The following CSMD1 variants were observed in gnomAD, a reference collection of about 807,000 sequenced individuals.
CSMD1 encodes CUB and Sushi multiple domains 1.
CSMD1 carries 213 observed loss-of-function variants against 417.5 expected under a neutral mutation model. That is an observed-to-expected ratio of 0.51 (90% CI 0.46 to 0.57). The LOEUF (loss-of-function observed/expected upper bound fraction) is 0.57, where lower values mean the gene tolerates loss of function less well. Ranked by LOEUF, CSMD1 falls within the 20% of genes least tolerant of loss-of-function variation. The pLI is 0.00. For synonymous variants in CSMD1, 2,862 were observed against 1,736.8 expected (o/e 1.65, Z -16.11); for missense variants, 6,923 against 4,529.7 (o/e 1.53, Z -15.17).
intron 3 of CSMD1, among the ~76,000 whole-genome samples, chr8:4,116,303 A>G (rs1051307693): frequency 9.9e-5 from 15 of 152,100 alleles, no homozygotes; most frequent in Admixed American, 9.8e-4. Context: ...ATAAAATAGA[A>G]TCTTTAGGAC....
chr8:4,820,513 C>T (rs972533917), intron 1 of CSMD1, among the ~76,000 whole-genome samples: 1 of 152,064 alleles, frequency 6.6e-6, no homozygotes, highest in African/African-American at 2.4e-5. Flanking sequence ...TGGCCAACCT[C>T]CTCTCAGAAA....
At chr8:3,646,607 G>C (rs975965611) in intron 7 of CSMD1, among the ~76,000 whole-genome samples, 1 of 152,134 alleles carries the variant, frequency 6.6e-6, no homozygotes. Flanking sequence ...AGCAGTCAGG[G>C]AACCACTAAA....
At chr8:4,125,834 T>C (rs1031540314) in intron 3 of CSMD1, among the ~76,000 whole-genome samples, 1 of 152,198 alleles carries the variant, frequency 6.6e-6, no homozygotes, top group Non-Finnish European at 1.5e-5. Context: ...TCTTACCTGG[T>C]GTCCAGTCTG....
chr8:3,141,769 C>A (rs972562170), intron 41 of CSMD1, among the ~76,000 whole-genome samples: 1 of 151,062 alleles, frequency 6.6e-6, no homozygotes, highest in Middle Eastern at 3.2e-3. Context: ...TGAGCACTAC[C>A]GGCTTCCCAA....
At chr8:4,282,180 G>A (rs754967170) in intron 3 of CSMD1, among the ~76,000 whole-genome samples, 4 of 152,148 alleles carry the variant, frequency 2.6e-5, no homozygotes, top group Admixed American at 6.5e-5. Flanking sequence ...CTGAAGTCAC[G>A]TTTTGATCAA....
chr8:4,798,238 C>T (rs1798086830), intron 1 of CSMD1, among the ~76,000 whole-genome samples: 1 of 152,094 alleles, frequency 6.6e-6, no homozygotes, highest in African/African-American at 2.4e-5. Flanking sequence ...GTTCAGTTCC[C>T]ACCTATGAGT....
rs1339001185 is a variant in CSMD1 at position 3,039,356 on chromosome 8, TTCC to T, written c.7661-9846_7661-9844del. Among the ~76,000 whole-genome samples, 21 of 143,688 alleles carry T rather than the reference TTCC, an allele frequency of 1.5e-4. No individual in the cohort carries two copies. In the East Asian group the frequency reaches 4.0e-3, roughly 27 times the overall value. The allele number at this position is 143,688 out of a possible 152,430, so 94.3% of individuals were successfully genotyped here. A position where few individuals can be genotyped will look rare whatever the true frequency, so the allele number is the denominator to read the frequency against. ...CTTTCTTCCTTTCCGCCTTCCTTCC[TTCC>T]TCCTTTACTTTCCTTTCTTCCTTCC... On this transcript the variant is annotated intron_variant, in intron 50 of 69. Coordinates refer to ENST00000635120, the MANE Select transcript of CSMD1 (RefSeq NM_033225.6).
chr8:3,732,793 G>A (rs1367462775), intron 6 of CSMD1, among the ~76,000 whole-genome samples: 1 of 152,160 alleles, frequency 6.6e-6, no homozygotes, highest in Non-Finnish European at 1.5e-5. Flanking sequence ...CCCACTGAGT[G>A]ATTCCGTTTC....
At chr8:4,951,655 C>A (rs930023429) in intron 1 of CSMD1, among the ~76,000 whole-genome samples, 2 of 151,444 alleles carry the variant, frequency 1.3e-5, no homozygotes, top group Non-Finnish European at 2.9e-5. Flanking sequence ...AATGTTTTAT[C>A]TGGATTTCCT....
At chr8:4,010,085 C>T (rs1419709436) in intron 4 of CSMD1, among the ~76,000 whole-genome samples, 2 of 152,188 alleles carry the variant, frequency 1.3e-5, no homozygotes, top group Non-Finnish European at 2.9e-5. Context: ...ATTCCAACTA[C>T]TTCTGACATA....
chr8:4,212,466 GT>G (rs764675678), intron 3 of CSMD1, among the ~76,000 whole-genome samples: 10 of 152,066 alleles, frequency 6.6e-5, no homozygotes, highest in Non-Finnish European at 8.8e-5. Flanking sequence ...CTTAACATTT[GT>G]CCTTTCAGAC....
intron 2 of CSMD1, among the ~76,000 whole-genome samples, chr8:4,627,800 T>C (rs1478279): frequency 6.6e-6 from 1 of 151,846 alleles, no homozygotes. Context: ...GGCAGACATA[T>C]GAATAGTATA....
intron 2 of CSMD1, among the ~76,000 whole-genome samples, chr8:4,565,310 C>G (rs1798536711): frequency 6.6e-6 from 1 of 152,188 alleles, no homozygotes; most frequent in Non-Finnish European, 1.5e-5. Context: ...CTAAATCAGT[C>G]TTAGGCAGTG....
intron 3 of CSMD1, among the ~76,000 whole-genome samples, chr8:4,156,763 C>A (rs980212267): frequency 5.9e-5 from 9 of 152,130 alleles, no homozygotes; most frequent in Non-Finnish European, 8.8e-5. Flanking sequence ...ACAGGAAATC[C>A]AGACAGTACA....
At chr8:4,559,332 A>G (rs189174977) in intron 2 of CSMD1, among the ~76,000 whole-genome samples, 3 of 152,186 alleles carry the variant, frequency 2.0e-5, no homozygotes, top group Non-Finnish European at 4.4e-5. Flanking sequence ...TTTAATTTTC[A>G]GTTTTCTGTT....
At chr8:3,973,015 T>C (rs1312625264) in intron 5 of CSMD1, among the ~76,000 whole-genome samples, 4 of 152,268 alleles carry the variant, frequency 2.6e-5, no homozygotes, top group Non-Finnish European at 5.9e-5. Context: ...TTTATTTTTC[T>C]CTTCTAACAG....
intron 2 of CSMD1, among the ~76,000 whole-genome samples, chr8:4,601,466 A>C (rs1800577745): frequency 6.6e-6 from 1 of 152,098 alleles, no homozygotes; most frequent in Admixed American, 6.5e-5. Context: ...CCTGAATGTT[A>C]AGTTGGTAGG....
At chr8:4,692,218 C>G (rs1584951663) in intron 1 of CSMD1, among the ~76,000 whole-genome samples, 3 of 152,246 alleles carry the variant, frequency 2.0e-5, no homozygotes, top group African/African-American at 7.2e-5. Flanking sequence ...TACTTACCGA[C>G]CTCACTCAAG....
chr8:3,667,558 T>A (rs1798762512), intron 7 of CSMD1, among the ~76,000 whole-genome samples: 1 of 152,088 alleles, frequency 6.6e-6, no homozygotes, highest in Non-Finnish European at 1.5e-5. Context: ...AGGACTAGGC[T>A]GAGAAAGTCC....
Sources: gnomAD v4.1 joint callset for allele counts (sites outside exome capture counted in the v4.1 genomes callset) on GRCh38, gnomAD v4.1.1 for gene constraint, MANE v1.5 for transcripts, NCBI Gene and HGNC (gene_info 2026-07-23, HGNC 2026-07-21) for gene names.